The following UNC5C variants were observed in gnomAD, a reference collection of about 807,000 sequenced individuals.
The protein encoded by UNC5C is netrin receptor UNC5C.
A neutral mutation model predicts 99.8 loss-of-function variants in UNC5C; 47 were observed. That is an observed-to-expected ratio of 0.47 (90% CI 0.37 to 0.60). The LOEUF (loss-of-function observed/expected upper bound fraction) is 0.60. Among genes scored for constraint, UNC5C ranks in the 20% least tolerant of loss-of-function variants. The pLI is 0.00. For synonymous variants in UNC5C, 487 were observed against 452.2 expected, an observed-to-expected ratio of 1.08 and a Z score of -0.98; for missense variants, 1,062 against 1,165.9, an observed-to-expected ratio of 0.91 and a Z score of 1.30.
intron 14 of UNC5C, 49 bp downstream of exon 14, chr4:95,182,848 C>T (rs1298441951): frequency 6.4e-7 from 1 of 1,570,820 alleles, no homozygotes. Context: ...ACTCTGTCTT[C>T]CTGAGTGTCG....
intron 1 of UNC5C, among the ~76,000 whole-genome samples, chr4:95,441,592 G>A (rs991697787): frequency 6.6e-6 from 1 of 151,904 alleles, no homozygotes; most frequent in Non-Finnish European, 1.5e-5. Flanking sequence ...CAATGTTTTG[G>A]AGATCTTGCA....
intron 1 of UNC5C, among the ~76,000 whole-genome samples, chr4:95,468,508 T>C (rs559431882): frequency 2.8e-4 from 43 of 152,300 alleles, no homozygotes; most frequent in African/African-American, 1.0e-3. Context: ...ATTAGCTCTG[T>C]CATAAATTCC....
At chr4:95,341,099 T>C (rs185597801) in intron 1 of UNC5C, among the ~76,000 whole-genome samples, 3 of 152,270 alleles carry the variant, frequency 2.0e-5, no homozygotes, top group Admixed American at 2.0e-4. Flanking sequence ...AAGTAAAAAT[T>C]ACATCTCTGC....
At chr4:95,351,941 G>C (rs528570653) in intron 1 of UNC5C, among the ~76,000 whole-genome samples, 1 of 152,006 alleles carries the variant, frequency 6.6e-6, no homozygotes, top group Non-Finnish European at 1.5e-5. Context: ...TTGGGGGACT[G>C]TTCATTAGCA....
chr4:95,332,700 C>G (rs1418152471), intron 2 of UNC5C, among the ~76,000 whole-genome samples: 3 of 148,196 alleles, frequency 2.0e-5, no homozygotes, highest in Non-Finnish European at 3.0e-5. Context: ...GCAATGGCAA[C>G]AAAAGCCAAA....
chr4:95,197,197 TAAA>T (rs1737466904), intron 12 of UNC5C, among the ~76,000 whole-genome samples: 1 of 149,164 alleles, frequency 6.7e-6, no homozygotes, highest in Admixed American at 6.9e-5. Context: ...ATAATAATAA[TAAA>T]AAGTGATAAT....
At chr4:95,380,867 C>A (rs1229133109) in intron 1 of UNC5C, among the ~76,000 whole-genome samples, 2 of 152,116 alleles carry the variant, frequency 1.3e-5, no homozygotes, top group African/African-American at 2.4e-5. Flanking sequence ...AACCTCATTA[C>A]AGAAAGGATG....
intron 11 of UNC5C, among the ~76,000 whole-genome samples, chr4:95,204,955 C>A (rs141290339): frequency 9.9e-4 from 150 of 152,032 alleles, no homozygotes; most frequent in African/African-American, 3.3e-3. Flanking sequence ...AGAGGAAGCC[C>A]CTAAAAAGGA....
chr4:95,411,039 C>G (rs1745971748), intron 1 of UNC5C, among the ~76,000 whole-genome samples: 1 of 152,112 alleles, frequency 6.6e-6, no homozygotes, highest in Non-Finnish European at 1.5e-5. Flanking sequence ...ACAAGTCAAC[C>G]TAGCAGGAGT....
chr4:95,532,908 T>TAA (rs201644746), intron 1 of UNC5C, among the ~76,000 whole-genome samples: 60,204 of 136,412 alleles, frequency 0.44, 12,748 homozygotes, highest in Middle Eastern at 0.54. Flanking sequence ...TTAGTAAAGC[T>TAA]AAAAAAAAAA....
intron 1 of UNC5C, among the ~76,000 whole-genome samples, chr4:95,491,855 AAT>A (rs1179681085): frequency 1.3e-5 from 2 of 151,728 alleles, no homozygotes; most frequent in Non-Finnish European, 3.0e-5. Context: ...TTTAAATATC[AAT>A]ATGTGTCCAA....
At chr4:95,280,287 T>C (rs1414476199) in intron 3 of UNC5C, among the ~76,000 whole-genome samples, 3 of 152,208 alleles carry the variant, frequency 2.0e-5, no homozygotes, top group Admixed American at 1.3e-4. Context: ...GAGAAAATCA[T>C]AGATCTATGA....
intron 1 of UNC5C, among the ~76,000 whole-genome samples, chr4:95,536,061 CATATAT>C (rs58901868): frequency 3.5e-4 from 49 of 140,814 alleles, no homozygotes; most frequent in East Asian, 6.2e-4. Context: ...TACATACATA[CATATAT>C]ATATATATAT....
chr4:95,423,961 A>T (rs1266570251), intron 1 of UNC5C, among the ~76,000 whole-genome samples: 1 of 152,226 alleles, frequency 6.6e-6, no homozygotes, highest in African/African-American at 2.4e-5. Context: ...TTATGGCCCA[A>T]TCTAGATGGT....
At chr4:95,452,112 A>G (rs895173698) in intron 1 of UNC5C, among the ~76,000 whole-genome samples, 30 of 152,220 alleles carry the variant, frequency 2.0e-4, no homozygotes, top group African/African-American at 7.2e-4. Context: ...ATTTGCTTCA[A>G]TGCTGATACA....
At chr4:95,374,504 C>T (rs1272874464) in intron 1 of UNC5C, among the ~76,000 whole-genome samples, 3 of 152,002 alleles carry the variant, frequency 2.0e-5, no homozygotes, top group African/African-American at 7.3e-5. Flanking sequence ...CCTTGGCCTC[C>T]CCTCAGAATC....
In UNC5C at chr4:95,345,708, A is replaced by G. The variant is rs373410398; in HGVS notation, c.125-10077T>C. On this transcript the variant is annotated intron_variant, in intron 1 of 15. Coordinates refer to ENST00000453304, the MANE Select transcript of UNC5C (RefSeq NM_003728.4). Reference sequence around the variant, plus strand: ...AAATAAATAACAAGAGGAATCTTGGAAACTGTACAAACACATGGAAATTAA... The same window carrying G: ...AAATAAATAACAAGAGGAATCTTGGGAACTGTACAAACACATGGAAATTAA... Among the ~76,000 whole-genome samples, 52 of 152,106 alleles carry G rather than the reference A, an allele frequency of 3.4e-4. No individual in the cohort carries two copies. In the Middle Eastern group the frequency reaches 9.5e-3, roughly 28 times the overall value.
intron 11 of UNC5C, among the ~76,000 whole-genome samples, chr4:95,205,381 A>G (rs1737838758): frequency 6.6e-6 from 1 of 152,190 alleles, no homozygotes; most frequent in African/African-American, 2.4e-5. Context: ...AACTCAACAT[A>G]AAGTGTATTT....
At chr4:95,434,749 C>T (rs987451979) in intron 1 of UNC5C, among the ~76,000 whole-genome samples, 2 of 151,994 alleles carry the variant, frequency 1.3e-5, no homozygotes, top group East Asian at 3.9e-4. Context: ...CCGCATTGGT[C>T]TCCTTCTTGA....
Sources: allele counts gnomAD v4.1 joint callset (sites outside exome capture counted in the v4.1 genomes callset), GRCh38; gene constraint gnomAD v4.1.1; transcripts MANE v1.5; gene names NCBI Gene and HGNC (gene_info 2026-07-23, HGNC 2026-07-21).